The following TTC34 variants were observed in gnomAD, a reference collection of about 807,000 sequenced individuals.
TTC34 encodes the protein tetratricopeptide repeat protein 34.
TTC34 carries 44 observed loss-of-function variants against 40.7 expected under a neutral mutation model. That is an observed-to-expected ratio of 1.08 (90% CI 0.85 to 1.39). The LOEUF (loss-of-function observed/expected upper bound fraction) is 1.39. Ranked by LOEUF, TTC34 falls within the 40% of genes most tolerant of loss-of-function variation. The probability of loss-of-function intolerance (pLI) is 0.00; values close to 1 mark genes in which losing one functional copy is unlikely to be tolerated. For synonymous variants in TTC34, 422 were observed against 398.6 expected, an observed-to-expected ratio of 1.06 and a Z score of -0.70; for missense variants, 884 against 838.0, an observed-to-expected ratio of 1.05 and a Z score of -0.68.
At chr1:2,789,605 T>A (rs1643638045) in exon 3 of TTC34, 1 of 1,393,324 alleles carries the variant, frequency 7.2e-7, no homozygotes, top group African/African-American at 1.5e-5. Context: ...ACGGGCCTCC[T>A]CCCGCAGCAC....
chr1:2,685,183 G>C (rs796711233), intron 6 of TTC34, among the ~76,000 whole-genome samples: 71 of 82,894 alleles, frequency 8.6e-4, no homozygotes, highest in East Asian at 1.4e-3. Flanking sequence ...CTGACTGCCT[G>C]GAACAGCACC....
intron 6 of TTC34, among the ~76,000 whole-genome samples, chr1:2,654,391 A>C (rs1362010803): frequency 7.8e-4 from 117 of 150,424 alleles, no homozygotes; most frequent in African/African-American, 2.7e-3. Flanking sequence ...AGCATCTGAC[A>C]GTCTGGAACA....
At chr1:2,787,484 G>A in exon 4 of TTC34, 2 of 1,482,660 alleles carry the variant, frequency 1.3e-6, no homozygotes, top group Middle Eastern at 2.2e-4. Context: ...TCCTCACCTG[G>A]TTGGCGTCAT....
intron 6 of TTC34, among the ~76,000 whole-genome samples, chr1:2,750,084 C>A (rs1641265764): frequency 8.3e-6 from 1 of 120,068 alleles, no homozygotes; most frequent in East Asian, 2.7e-4. Context: ...AGCAGGCACA[C>A]CCCCAGTGAG....
intron 6 of TTC34, among the ~76,000 whole-genome samples, chr1:2,685,967 C>T (rs572239999): frequency 0.054 from 3,114 of 57,714 alleles, 36 homozygotes; most frequent in African/African-American, 0.14. Context: ...CACCCACAGG[C>T]GAGCATCTGA....
At chr1:2,648,411 G>A (rs897407849) in intron 6 of TTC34, among the ~76,000 whole-genome samples, 1 of 152,180 alleles carries the variant, frequency 6.6e-6, no homozygotes, top group Non-Finnish European at 1.5e-5. Flanking sequence ...TAATTTTAGG[G>A]TGTGGCCTTT....
chr1:2,765,740 G>A (rs1641769412), intron 6 of TTC34, among the ~76,000 whole-genome samples: 1 of 50,644 alleles, frequency 2.0e-5, no homozygotes, highest in Admixed American at 2.1e-4. Flanking sequence ...CTGACAGCCT[G>A]GAGCAGCGCC....
At chr1:2,656,014 CCT>C (rs1208594098) in intron 6 of TTC34, among the ~76,000 whole-genome samples, 29 of 146,714 alleles carry the variant, frequency 2.0e-4, no homozygotes, top group South Asian at 6.5e-4. Context: ...AGCACCCACA[CCT>C]CCCGGCGAGC....
At chr1:2,750,681 CT>C (rs1223434794) in intron 6 of TTC34, among the ~76,000 whole-genome samples, 25 of 127,158 alleles carry the variant, frequency 2.0e-4, no homozygotes, top group South Asian at 2.5e-4. Flanking sequence ...GAACAGCACC[CT>C]GCACCCCCAA....
intron 4 of TTC34, 133 bp from the exon 5 acceptor site, chr1:2,786,156 T>A (rs1643586052): frequency 1.3e-6 from 1 of 786,088 alleles, no homozygotes; most frequent in Non-Finnish European, 1.9e-6. Context: ...ACGCTCCCAG[T>A]CCCACCCTTG....
chr1:2,752,216 G>T (rs1187159685), intron 6 of TTC34, among the ~76,000 whole-genome samples: 10 of 119,892 alleles, frequency 8.3e-5, no homozygotes, highest in African/African-American at 3.3e-4. Flanking sequence ...ACACCCCCAG[G>T]TGAGCATCTG....
chr1:2,801,181 C>T (rs1288045998), intron 1 of TTC34, among the ~76,000 whole-genome samples: 1 of 152,128 alleles, frequency 6.6e-6, no homozygotes, highest in Non-Finnish European at 1.5e-5. Flanking sequence ...GGGAGGGTTA[C>T]GGTGGCCCGA....
chr1:2,652,180 T>C (rs1438570477), intron 6 of TTC34, among the ~76,000 whole-genome samples: 3 of 125,892 alleles, frequency 2.4e-5, no homozygotes, highest in Non-Finnish European at 3.6e-5. Context: ...GGTGAGCATC[T>C]GACAGACTGG....
intron 6 of TTC34, among the ~76,000 whole-genome samples, chr1:2,759,976 C>A (rs1158764791): frequency 1.4e-5 from 2 of 140,232 alleles, no homozygotes; most frequent in South Asian, 2.3e-4. Context: ...AGGTGAGCAT[C>A]TGATGGTCTG....
At chr1:2,751,718 G>T (rs1641326858) in intron 6 of TTC34, among the ~76,000 whole-genome samples, 1 of 150,894 alleles carries the variant, frequency 6.6e-6, no homozygotes, top group African/African-American at 2.5e-5. Context: ...GCCTGGAGCA[G>T]CACCCACACC....
intron 6 of TTC34, among the ~76,000 whole-genome samples, chr1:2,652,338 A>G (rs1472836794): frequency 2.6e-5 from 4 of 151,558 alleles, no homozygotes; most frequent in South Asian, 2.1e-4. Context: ...CCAGGTGAGC[A>G]TCTGATATCC....
In TTC34 at chr1:2,767,502, A is replaced by T. The variant is rs1384835383; in HGVS notation, c.2226+16107T>A. On this transcript the variant is annotated intron_variant, in intron 6 of 8. Coordinates refer to ENST00000401095, the Ensembl canonical transcript of TTC34. ...CTCCAACCACAGGTGAGGATCTGAC[A>T]GCCTGGAACAGAACCCCACTCTTCC... is the stretch of plus-strand genomic sequence containing the variant. Among the ~76,000 whole-genome samples, 4 of 144,760 alleles carry T rather than the reference A, an allele frequency of 2.8e-5. No homozygotes were observed. The Admixed American group carries it at 2.8e-4, about 10-fold the overall frequency. The allele number at this position is 144,760 out of a possible 152,430, so 95.0% of individuals were successfully genotyped here. A position where few individuals can be genotyped will look rare whatever the true frequency, so the allele number is the denominator to read the frequency against.
At chr1:2,694,464 C>A (rs1640769567) in intron 6 of TTC34, among the ~76,000 whole-genome samples, 1 of 126,534 alleles carries the variant, frequency 7.9e-6, no homozygotes, top group Non-Finnish European at 1.7e-5. Flanking sequence ...GGAGCAGCAC[C>A]CACAACCCCA....
At chr1:2,791,553 G>A (rs567267572) in intron 2 of TTC34, among the ~76,000 whole-genome samples, 52 of 152,276 alleles carry the variant, frequency 3.4e-4, no homozygotes, top group Admixed American at 2.0e-3. Context: ...TGCGGTAAGC[G>A]CCGAGTCCAG....
Sources: gnomAD v4.1 joint callset for allele counts (sites outside exome capture counted in the v4.1 genomes callset) on GRCh38, gnomAD v4.1.1 for gene constraint, MANE v1.5 for transcripts, NCBI Gene and HGNC (gene_info 2026-07-23, HGNC 2026-07-21) for gene names.